ZNF148: variants seen among roughly 807,000 people sequenced by gnomAD.
ZNF148 encodes Beta-Enolase Repressor Factor-1.
Under a neutral mutation model 67.7 loss-of-function variants are expected in ZNF148, and 7 were observed. The observed-to-expected ratio is 0.10, with a 90% confidence interval of 0.06 to 0.19. ZNF148 has a LOEUF of 0.19. Ranked by LOEUF, ZNF148 falls within the 10% of genes least tolerant of loss-of-function variation. ZNF148 has a pLI of 1.00. For missense variants in ZNF148, 583 were observed against 947.1 expected, an observed-to-expected ratio of 0.62 and a Z score of 5.05; for synonymous variants, 333 against 330.7, an observed-to-expected ratio of 1.01 and a Z score of -0.08.
intron 1 of ZNF148, among the ~76,000 whole-genome samples, chr3:125,374,771 C>A (rs557509951): frequency 6.6e-6 from 1 of 152,084 alleles, no homozygotes; most frequent in South Asian, 2.1e-4. Context: ...CCACACCCAG[C>A]ACCCTCCGGC....
intron 1 of ZNF148, among the ~76,000 whole-genome samples, chr3:125,335,465 C>T (rs1941453100): frequency 6.6e-6 from 1 of 152,130 alleles, no homozygotes; most frequent in South Asian, 2.1e-4. Flanking sequence ...GGCAACATTA[C>T]CTTACCTAGA....
chr3:125,362,540 C>A (rs1005347793), intron 1 of ZNF148, among the ~76,000 whole-genome samples: 16 of 148,286 alleles, frequency 1.1e-4, no homozygotes, highest in African/African-American at 3.9e-4. Flanking sequence ...AAAGTCCTTA[C>A]CCTTTTTTTG....
Position 125,232,775 on chromosome 3 carries a change from A to G in ZNF148, c.1951T>C (p.Tyr651His), listed in dbSNP as rs1290116702. 6.2e-7 allele frequency: 1 copy of G among 1,613,966 alleles called. No individual in the cohort carries two copies. Among genetic ancestry groups the G allele is most frequent in the Admixed American group, 1.7e-5 (1 of 60,014 alleles). Residue 651 changes from tyrosine to histidine, a missense_variant, in exon 9 of 9, where the codon TAT (tyrosine) becomes CAT (histidine). Physicochemically the swap from Tyr to His is moderately conservative, Grantham distance 83. Around this residue, in one of 5 missense-constraint regions of ZNF148, gnomAD observed 158 missense variants for 208.4 expected, o/e 0.76. Transcript: ENST00000360647. This position sits in a 1 kb window ranked among gnomAD's most constrained non-coding sequence, Gnocchi z 4.2. Reference protein sequence around the residue: ...PAFSSIDKQVYATMPINSFRS... With the variant: ...PAFSSIDKQVHATMPINSFRS... ...AAGCTATTGATGGGCATGGTGGCAT[A>G]GACCTGCTTGTCTATGGAAGAGAAT...
chr3:125,277,857 G>A (rs1938155481), intron 6 of ZNF148, 48 bp from the exon 7 acceptor site: 1 of 1,482,738 alleles, frequency 6.7e-7, no homozygotes. Flanking sequence ...TAAAACAACG[G>A]TTTTTAGTTA....
At chr3:125,286,994 C>T (rs958319767) in intron 5 of ZNF148, among the ~76,000 whole-genome samples, 18 of 152,238 alleles carry the variant, frequency 1.2e-4, no homozygotes, top group South Asian at 2.1e-4. Flanking sequence ...TGCTGATTTC[C>T]AGGGTGTAAA....
intron 7 of ZNF148, among the ~76,000 whole-genome samples, chr3:125,254,478 A>AT: frequency 6.6e-6 from 1 of 152,340 alleles, no homozygotes; most frequent in East Asian, 1.9e-4. Context: ...ACACATTATC[A>AT]TAGGTAACCA....
At chr3:125,328,185 T>C (rs1013888413) in intron 2 of ZNF148, among the ~76,000 whole-genome samples, 1 of 152,140 alleles carries the variant, frequency 6.6e-6, no homozygotes, top group African/African-American at 2.4e-5. Context: ...TAGAGACTCA[T>C]GTCATTCAGA....
At chr3:125,337,121 T>C (rs1579839183) in intron 1 of ZNF148, among the ~76,000 whole-genome samples, 1 of 151,342 alleles carries the variant, frequency 6.6e-6, no homozygotes, top group East Asian at 1.9e-4. Context: ...CACTCAGATA[T>C]ATAGAAGCTG....
At chr3:125,262,557 T>C (rs1326366425) in intron 7 of ZNF148, among the ~76,000 whole-genome samples, 1 of 152,222 alleles carries the variant, frequency 6.6e-6, no homozygotes, top group Non-Finnish European at 1.5e-5. Flanking sequence ...TAAACACTGG[T>C]TTCCCTTGTA....
Position 125,226,212 on chromosome 3 carries a change from G to T in ZNF148, c.*6129C>A, listed in dbSNP as rs1385107492. 3 of 152,398 alleles carry T rather than the reference G, an allele frequency of 2.0e-5. No individual in the cohort carries two copies. The highest frequency in any genetic ancestry group is 7.3e-5 in the African/African-American group (3 of 41,370). The allele number at this position is 152,398 out of a possible 1,614,324, so 9.4% of individuals were successfully genotyped here. On this transcript the variant is annotated 3_prime_UTR_variant, in exon 9 of 9. Coordinates refer to ENST00000360647, the MANE Select transcript of ZNF148 (RefSeq NM_021964.3). ...CATTCCACATAAAGCTATAATAAAG[G>T]CCCTGATAATTGTTACCCAATTTGT...
chr3:125,230,980 T>TAAGACAGA lies in ZNF148; in HGVS notation c.*1353_*1360dup, dbSNP rs1935833074. 6.6e-6 allele frequency: 1 copy of TAAGACAGA among 152,422 alleles called. No homozygotes were observed. The highest frequency in any genetic ancestry group is 1.5e-5 in the Non-Finnish European group (1 of 67,934). 9.4% of individuals were successfully genotyped at this position (152,422 alleles called of 1,614,324 possible). Reference sequence around the variant, plus strand: ...TTTATTGTACCATGCTGTATTATTTTAAGACAGAGTATTAAAAAAAAACAT... The same window carrying TAAGACAGA: ...TTTATTGTACCATGCTGTATTATTTTAAGACAGAAAGACAGAGTATTAAAAAAAAACAT... On this transcript the variant is annotated 3_prime_UTR_variant, in exon 9 of 9. Coordinates refer to ENST00000360647, the MANE Select transcript of ZNF148 (RefSeq NM_021964.3).
At chr3:125,325,232 T>A (rs1940967277) in intron 2 of ZNF148, among the ~76,000 whole-genome samples, 1 of 152,024 alleles carries the variant, frequency 6.6e-6, no homozygotes, top group Non-Finnish European at 1.5e-5. Flanking sequence ...AAATAAAAAA[T>A]TCATCAGAAG....
intron 7 of ZNF148, among the ~76,000 whole-genome samples, chr3:125,238,910 A>G (rs1936218196): frequency 6.6e-6 from 1 of 152,258 alleles, no homozygotes. Flanking sequence ...ACATACAAAG[A>G]ATGAAGTATT....
intron 7 of ZNF148, among the ~76,000 whole-genome samples, chr3:125,258,458 C>T (rs1183548610): frequency 2.1e-5 from 3 of 145,666 alleles, no homozygotes; most frequent in Non-Finnish European, 3.0e-5. Context: ...GGGATAGCAT[C>T]TTCCTATGTT....
intron 1 of ZNF148, among the ~76,000 whole-genome samples, chr3:125,333,125 T>C (rs563211651): frequency 2.0e-5 from 3 of 152,326 alleles, no homozygotes; most frequent in Admixed American, 6.5e-5. Flanking sequence ...ATCTATAGAC[T>C]GGACAAATGT....
At chr3:125,344,936 C>A in intron 1 of ZNF148, 2 of 159,058 alleles carry the variant, frequency 1.3e-5, no homozygotes, top group Non-Finnish European at 2.7e-5. Context: ...TTTTAATGGC[C>A]CAATTATATG....
At chr3:125,254,237 C>G (rs1331711720) in intron 7 of ZNF148, among the ~76,000 whole-genome samples, 3 of 151,968 alleles carry the variant, frequency 2.0e-5, no homozygotes, top group Non-Finnish European at 4.4e-5. Flanking sequence ...ATTTATGTTC[C>G]TAATAATTAC....
chr3:125,268,734 C>T (rs554871919), intron 7 of ZNF148, among the ~76,000 whole-genome samples: 8 of 152,252 alleles, frequency 5.3e-5, no homozygotes, highest in African/African-American at 1.7e-4. Flanking sequence ...AATCCTAGCA[C>T]TTTGGGAGGC....
At chr3:125,325,302 C>T (rs576440380) in intron 2 of ZNF148, among the ~76,000 whole-genome samples, 64 of 152,076 alleles carry the variant, frequency 4.2e-4, no homozygotes, top group African/African-American at 1.5e-3. Flanking sequence ...CAATAGAAAC[C>T]ATCCACTCTG....
Sources: gnomAD v4.1 joint callset for allele counts (sites outside exome capture counted in the v4.1 genomes callset) on GRCh38, gnomAD v4.1.1 for gene constraint, gnomAD v4.1.1 regional missense constraint, Gnocchi (gnomAD v3.1) non-coding constraint, MANE v1.5 for transcripts, NCBI Gene and HGNC (gene_info 2026-07-23, HGNC 2026-07-21) for gene names.